The following SEMA5B variants were observed in gnomAD, a reference collection of about 807,000 sequenced individuals.
The protein encoded by SEMA5B is semaphorin 5B, also known as semaphorin-5B.
SEMA5B carries 66 observed loss-of-function variants against 135.0 expected under a neutral mutation model. The ratio of observed to expected loss-of-function variants is 0.49; its 90% CI spans 0.40 to 0.60. The LOEUF (loss-of-function observed/expected upper bound fraction) is 0.60, where lower values mean the gene tolerates loss of function less well. SEMA5B is among the 20% of genes least tolerant of loss of function. The probability of loss-of-function intolerance (pLI) is 0.00; values close to 1 mark genes in which losing one functional copy is unlikely to be tolerated. For missense variants in SEMA5B, 1,501 were observed against 1,566.3 expected, an observed-to-expected ratio of 0.96 and a Z score of 0.70; for synonymous variants, 690 against 639.5, an observed-to-expected ratio of 1.08 and a Z score of -1.19.
rs750578687 is a variant in SEMA5B, at chr3:122,927,957, C to T, written c.683G>A (p.Arg228His). 5.8e-6 allele frequency: 9 copies of T among 1,560,796 alleles called. No individual in the cohort carries two copies. Among genetic ancestry groups the T allele is most frequent in the East Asian group, 2.4e-5 (1 of 41,878 alleles). Residue 228 changes from arginine to histidine, a missense_variant, in exon 8 of 23, where the codon CGC becomes CAC. Arg to His is a conservative substitution (Grantham distance 29, BLOSUM62 0). Coordinates refer to ENST00000357599, the MANE Select transcript of SEMA5B (RefSeq NM_001031702.4). ...GTTGTGGCGTGGGTCATAGGGGCAG[C>T]GGGCCACACCATTGATCTTCTCAAT... ...RTIEKINGVA[R>H]CPYDPRHNST...
At chr3:122,976,172 G>A in intron 1 of SEMA5B, 1 of 1,522,140 alleles carries the variant, frequency 6.6e-7, no homozygotes, top group Admixed American at 2.0e-5. Flanking sequence ...GGGCTGTGCA[G>A]ATGCAAGAAG....
At chr3:123,012,029 G>A in intron 1 of SEMA5B, among the ~76,000 whole-genome samples, 1 of 152,174 alleles carries the variant, frequency 6.6e-6, no homozygotes, top group East Asian at 1.9e-4. Flanking sequence ...CACAGGAGAG[G>A]CCCAGTCACG....
chr3:122,993,197 G>A (rs1240850232), intron 1 of SEMA5B: 2 of 152,308 alleles, frequency 1.3e-5, no homozygotes, highest in South Asian at 2.1e-4. Context: ...AGGACACAAC[G>A]CGGCAGCCTG....
chr3:122,914,160 G>A (rs72968396), intron 14 of SEMA5B, among the ~76,000 whole-genome samples, 159 bp from the exon 15 acceptor site: 8,414 of 152,276 alleles, frequency 0.055, 709 homozygotes, highest in African/African-American at 0.19. Context: ...AGGCAGACTC[G>A]CTCATCCATC....
Position 122,922,332 on chromosome 3 carries a change from C to G in SEMA5B, c.1388G>C (p.Cys463Ser). 1.9e-6 allele frequency: 3 copies of G among 1,613,976 alleles called. No individual in the cohort carries two copies. In the South Asian group the frequency reaches 3.3e-5, roughly 18 times the overall value. The change falls in exon 11 of 23, where the codon TGT becomes TCT. Residue 463 changes from cysteine (C) to serine (S), a missense_variant. Cys to Ser is a moderately radical substitution (Grantham distance 112, BLOSUM62 -1). Coordinates refer to ENST00000357599, the MANE Select transcript of SEMA5B (RefSeq NM_001031702.4). The stretch of plus-strand genomic sequence containing the variant: ...GAAGCGCACGCTGTCCTGGGTGACA[C>G]AGGGCTCGGGTGTCACCGGCTGCAC... ...EAVQPVTPEP[C>S]VTQDSVRFSH... is the part of the protein sequence containing the mutation.
At chr3:122,954,703 A>C (rs1316739563) in intron 2 of SEMA5B, among the ~76,000 whole-genome samples, 3 of 152,010 alleles carry the variant, frequency 2.0e-5, no homozygotes, top group Non-Finnish European at 4.4e-5. Flanking sequence ...AGTGACCTTT[A>C]GCCATATGCT....
chr3:122,958,874 T>G (rs1005305313), intron 2 of SEMA5B, among the ~76,000 whole-genome samples: 3 of 152,140 alleles, frequency 2.0e-5, no homozygotes, highest in African/African-American at 7.2e-5. Flanking sequence ...CTCTCTTCCA[T>G]ATATTCCTAG....
chr3:122,997,518 T>TCTCCGCCCC lies in SEMA5B; in HGVS notation c.-39+29945_-39+29946insGGGGCGGAG, dbSNP rs764169923. ...GCTACCTGGCTGGTCCCCAGGCCTC[T>TCTCCGCCCC]CCCCCCCCCGTCTCCACCAGGGCAT... is the stretch of plus-strand genomic sequence containing the variant. On this transcript the variant is annotated intron_variant, in intron 1 of 22. Coordinates refer to ENST00000357599, the MANE Select transcript of SEMA5B (RefSeq NM_001031702.4). Among the ~76,000 whole-genome samples the TCTCCGCCCC allele has an allele frequency of 1.6e-4, 23 of 142,878 alleles. 2 individuals are homozygous for TCTCCGCCCC. Among genetic ancestry groups the TCTCCGCCCC allele is most frequent in the African/African-American group, 5.5e-4 (21 of 38,510 alleles). 93.7% of individuals were successfully genotyped at this position (142,878 alleles called of 152,430 possible).
chr3:123,013,970 C>G (rs374888531), intron 1 of SEMA5B, among the ~76,000 whole-genome samples: 1 of 152,206 alleles, frequency 6.6e-6, no homozygotes, highest in Non-Finnish European at 1.5e-5. Flanking sequence ...GTGAGAGGAG[C>G]TTTGGGCACA....
At chr3:123,011,497 C>A (rs566936113) in intron 1 of SEMA5B, among the ~76,000 whole-genome samples, 1 of 152,292 alleles carries the variant, frequency 6.6e-6, no homozygotes, top group South Asian at 2.1e-4. Context: ...GGGTTTTGCC[C>A]AAGAAGGGGG....
intron 1 of SEMA5B, among the ~76,000 whole-genome samples, 181 bp from the exon 2 acceptor site, chr3:122,961,482 C>T (rs1576369421): frequency 6.7e-6 from 1 of 150,326 alleles, no homozygotes; most frequent in South Asian, 2.1e-4. Flanking sequence ...TTTTTTTAGG[C>T]GGGGTCTTGC....
intron 9 of SEMA5B, among the ~76,000 whole-genome samples, chr3:122,925,774 C>T (rs1226362620): frequency 6.6e-6 from 1 of 151,426 alleles, no homozygotes; most frequent in Non-Finnish European, 1.5e-5. Flanking sequence ...TGTCCAGGGC[C>T]ACATGCAGCC....
chr3:122,938,201 T>C (rs146885492), intron 5 of SEMA5B, among the ~76,000 whole-genome samples: 1 of 152,376 alleles, frequency 6.6e-6, no homozygotes, highest in East Asian at 1.9e-4. Flanking sequence ...CCTTGTACCA[T>C]GCCTAGGATG....
chr3:123,008,619 T>G (rs1942365007), intron 1 of SEMA5B, among the ~76,000 whole-genome samples: 2 of 151,976 alleles, frequency 1.3e-5, no homozygotes, highest in African/African-American at 4.8e-5. Flanking sequence ...TGAGAAGATG[T>G]CAACAATGTC....
chr3:122,934,599 G>GA (rs1939157619), intron 5 of SEMA5B, among the ~76,000 whole-genome samples: 4 of 152,134 alleles, frequency 2.6e-5, no homozygotes, highest in Admixed American at 2.6e-4. Context: ...ACAAATTGCA[G>GA]CATATTTGAA....
chr3:122,982,515 G>A (rs941099723), intron 1 of SEMA5B, among the ~76,000 whole-genome samples: 4 of 152,140 alleles, frequency 2.6e-5, no homozygotes, highest in Non-Finnish European at 4.4e-5. Flanking sequence ...TTCTGCCACC[G>A]CTCCCGCCCA....
chr3:122,943,744 G>C (rs1255866766), intron 3 of SEMA5B, among the ~76,000 whole-genome samples: 1 of 152,166 alleles, frequency 6.6e-6, no homozygotes, highest in Non-Finnish European at 1.5e-5. Context: ...CCTTAGCTCA[G>C]AGGAGGGCAC....
intron 3 of SEMA5B, among the ~76,000 whole-genome samples, chr3:122,948,297 C>T (rs1390222957): frequency 1.3e-5 from 2 of 152,144 alleles, no homozygotes; most frequent in Non-Finnish European, 2.9e-5. Flanking sequence ...TACGGAGAGA[C>T]AAAAATTAGA....
chr3:123,004,976 G>A (rs962267401), intron 1 of SEMA5B, among the ~76,000 whole-genome samples: 7 of 152,136 alleles, frequency 4.6e-5, no homozygotes, highest in African/African-American at 1.4e-4. Flanking sequence ...AAAACTTCCC[G>A]AATGGGAGAA....
Sources: allele counts gnomAD v4.1 joint callset (sites outside exome capture counted in the v4.1 genomes callset), GRCh38; gene constraint gnomAD v4.1.1; transcripts MANE v1.5; gene names NCBI Gene and HGNC (gene_info 2026-07-23, HGNC 2026-07-21).